ST6GALNAC5: variants seen among roughly 807,000 people sequenced by gnomAD.
ST6GALNAC5 encodes the protein alpha-N-acetylgalactosaminide alpha-2,6-sialyltransferase 5.
A neutral mutation model predicts 33.6 loss-of-function variants in ST6GALNAC5; 27 were observed. The observed-to-expected ratio is 0.80, with a 90% CI of 0.59 to 1.11. ST6GALNAC5 has a LOEUF of 1.11. ST6GALNAC5 is among the 50% of genes least tolerant of loss of function. The pLI is 0.00. For synonymous variants in ST6GALNAC5, 194 were observed against 171.2 expected, an observed-to-expected ratio of 1.13 and a Z score of -1.04; for missense variants, 428 against 454.0, an observed-to-expected ratio of 0.94 and a Z score of 0.52.
chr1:76,935,530 A>G (rs1377874419), intron 2 of ST6GALNAC5, among the ~76,000 whole-genome samples: 4 of 152,084 alleles, frequency 2.6e-5, no homozygotes, highest in Non-Finnish European at 5.9e-5. Context: ...AGTTAATTCT[A>G]CTATGAAGTG....
At chr1:76,912,411 G>A (rs1646923692) in intron 2 of ST6GALNAC5, among the ~76,000 whole-genome samples, 1 of 151,972 alleles carries the variant, frequency 6.6e-6, no homozygotes, top group African/African-American at 2.4e-5. Context: ...GTTGATTTGG[G>A]GTGGAGAGTT....
chr1:76,956,692 T>C (rs1342250137), intron 2 of ST6GALNAC5, among the ~76,000 whole-genome samples: 2 of 152,154 alleles, frequency 1.3e-5, no homozygotes, highest in Non-Finnish European at 2.9e-5. Context: ...GAACTTTCCC[T>C]CCACTCACTT....
intron 2 of ST6GALNAC5, among the ~76,000 whole-genome samples, chr1:76,916,148 GC>G (rs1646972142): frequency 1.3e-5 from 2 of 152,054 alleles, no homozygotes; most frequent in Admixed American, 1.3e-4. Context: ...TTGATTGAAA[GC>G]ACTCCTGTAC....
chr1:77,031,900 G>A (rs1651472396), intron 2 of ST6GALNAC5, among the ~76,000 whole-genome samples: 1 of 152,154 alleles, frequency 6.6e-6, no homozygotes, highest in Non-Finnish European at 1.5e-5. Context: ...TTGAATCAGT[G>A]ATTGTCAATA....
rs1388594692 is a variant in ST6GALNAC5 at position 76,868,113 on chromosome 1, A to C, written c.16-384A>C. On this transcript the variant is annotated intron_variant, in intron 1 of 4. Coordinates refer to ENST00000477717, the MANE Select transcript of ST6GALNAC5 (RefSeq NM_030965.3). This position sits in a 1 kb window ranked among gnomAD's most constrained non-coding sequence, Gnocchi z 4.3. Reference sequence around the variant, plus strand: ...AAGGATCGCAAGGATCCAGGGCCCCAGGAAAGGAGGGGTGTGAAGGACTCA... The same window carrying C: ...AAGGATCGCAAGGATCCAGGGCCCCCGGAAAGGAGGGGTGTGAAGGACTCA... Among the ~76,000 whole-genome samples, 4 of 152,302 alleles carry C rather than the reference A, an allele frequency of 2.6e-5. No individual in the cohort carries two copies. Among genetic ancestry groups the C allele is most frequent in the African/African-American group, 9.6e-5 (4 of 41,574 alleles).
rs560884096 is a variant in ST6GALNAC5 at position 76,972,266 on chromosome 1, A to G, written c.262-71938A>G. On this transcript the variant is annotated intron_variant, in intron 2 of 4. Transcript: ENST00000477717. ...TCAGCTCTTGTGAGACTTATTCACT[A>G]TCATGAGAACAGCATGGGAAAGACC... 1.2e-3 allele frequency among the ~76,000 whole-genome samples: 189 copies of G among 152,276 alleles called. 3 individuals are homozygous for G. The South Asian group carries it at 0.02, about 16-fold the overall frequency.
At chr1:76,940,973 CT>C (rs1431165473) in intron 2 of ST6GALNAC5, among the ~76,000 whole-genome samples, 1 of 151,894 alleles carries the variant, frequency 6.6e-6, no homozygotes, top group African/African-American at 2.4e-5. Context: ...TCACTGAAAA[CT>C]TTTTTTGACA....
At chr1:76,884,443 A>G (rs1570637418) in intron 2 of ST6GALNAC5, among the ~76,000 whole-genome samples, 1 of 151,234 alleles carries the variant, frequency 6.6e-6, no homozygotes. Flanking sequence ...CAGGAATTAA[A>G]CTCTCCACCT....
intron 2 of ST6GALNAC5, among the ~76,000 whole-genome samples, chr1:76,942,068 C>T (rs1027798945): frequency 4.6e-5 from 7 of 151,978 alleles, no homozygotes; most frequent in Admixed American, 6.6e-5. Flanking sequence ...AATCACTAGG[C>T]GGATTATTTA....
At chr1:76,919,500 C>T (rs1647009916) in intron 2 of ST6GALNAC5, among the ~76,000 whole-genome samples, 3 of 152,156 alleles carry the variant, frequency 2.0e-5, no homozygotes, top group Admixed American at 2.0e-4. Context: ...TTTTCTGACA[C>T]TCCCTCTGTT....
At chr1:76,913,134 C>A (rs1646931607) in intron 2 of ST6GALNAC5, among the ~76,000 whole-genome samples, 1 of 151,786 alleles carries the variant, frequency 6.6e-6, no homozygotes, top group Admixed American at 6.6e-5. Context: ...AATCTCTCAG[C>A]ATTTGCTTGT....
chr1:76,936,601 T>G (rs1221174998), intron 2 of ST6GALNAC5, among the ~76,000 whole-genome samples: 3 of 152,040 alleles, frequency 2.0e-5, no homozygotes, highest in Admixed American at 6.6e-5. Context: ...CTATTGAAAT[T>G]TGAAGGAGAA....
At chr1:76,998,104 G>A (rs1038657127) in intron 2 of ST6GALNAC5, among the ~76,000 whole-genome samples, 7 of 152,184 alleles carry the variant, frequency 4.6e-5, no homozygotes, top group Non-Finnish European at 1.0e-4. Context: ...GCGGAACTAC[G>A]AGTCAATTAA....
chr1:77,041,560 A>G (rs529990505), intron 2 of ST6GALNAC5, among the ~76,000 whole-genome samples: 1 of 152,322 alleles, frequency 6.6e-6, no homozygotes, highest in Admixed American at 6.5e-5. Context: ...AAGTAAAATA[A>G]GGGAAAGGAA....
chr1:77,029,929 C>T (rs920641776), intron 2 of ST6GALNAC5, among the ~76,000 whole-genome samples: 2 of 152,152 alleles, frequency 1.3e-5, no homozygotes, highest in African/African-American at 4.8e-5. Context: ...TTAGGATCAC[C>T]ATTATGAATG....
chr1:76,906,451 C>G (rs17099699), intron 2 of ST6GALNAC5, among the ~76,000 whole-genome samples: 5,725 of 152,214 alleles, frequency 0.038, 247 homozygotes, highest in African/African-American at 0.11. Flanking sequence ...AAAATAGTAT[C>G]TGAACTTTTG....
chr1:77,000,508 T>G (rs1249093808), intron 2 of ST6GALNAC5, among the ~76,000 whole-genome samples: 2 of 133,926 alleles, frequency 1.5e-5, no homozygotes, highest in Non-Finnish European at 3.3e-5. Context: ...AGATCCCATT[T>G]GTCAATTTTG....
chr1:76,975,610 G>A (rs1413425568), intron 2 of ST6GALNAC5, among the ~76,000 whole-genome samples: 1 of 152,070 alleles, frequency 6.6e-6, no homozygotes, highest in African/African-American at 2.4e-5. Flanking sequence ...TATGTAGCAA[G>A]GTAGATAAAT....
intron 2 of ST6GALNAC5, among the ~76,000 whole-genome samples, chr1:76,902,658 T>A (rs1488179496): frequency 6.6e-6 from 1 of 152,168 alleles, no homozygotes; most frequent in Non-Finnish European, 1.5e-5. Flanking sequence ...AAAGTGACGA[T>A]AATCAAACAT....
Sources: allele counts gnomAD v4.1 joint callset (sites outside exome capture counted in the v4.1 genomes callset), GRCh38; gene constraint gnomAD v4.1.1; non-coding constraint Gnocchi (gnomAD v3.1); transcripts MANE v1.5; gene names NCBI Gene and HGNC (gene_info 2026-07-23, HGNC 2026-07-21).